The following SYNE2 variants were observed in gnomAD, a reference collection of about 807,000 sequenced individuals.
SYNE2 encodes the protein spectrin repeat containing nuclear envelope protein 2.
In SYNE2, 431 loss-of-function variants were observed where a neutral mutation model predicts 856.3. The ratio of observed to expected loss-of-function variants is 0.50; its 90% CI spans 0.47 to 0.55. The LOEUF is 0.55. Ranked by LOEUF, SYNE2 falls within the 20% of genes least tolerant of loss-of-function variation. The pLI, the probability that SYNE2 is intolerant of heterozygous loss-of-function variation, is 0.00. For synonymous variants in SYNE2, 2,923 were observed against 2,872.3 expected, an observed-to-expected ratio of 1.02 and a Z score of -0.56; for missense variants, 8,129 against 8,023.2, an observed-to-expected ratio of 1.01 and a Z score of -0.50.
Position 63,995,050 on chromosome 14 carries a change from C to T in SYNE2, c.2788C>T (p.His930Tyr). ...RDVCAKWESL[H>Y]HELSLYVQQL... is the part of the protein sequence containing the mutation. ...CCTTTGATTTTTTTTGTAGTCTCTT[C>T]ATCATGAACTGTCTTTATATGTTCA... The change falls in exon 23 of 116, where the codon CAT (histidine) becomes TAT (tyrosine). Residue 930 changes from histidine (H) to tyrosine (Y), a missense_variant. Physicochemically the swap from His to Tyr is moderately conservative, Grantham distance 83. Around this residue, in one of 3 missense-constraint regions of SYNE2, gnomAD observed 2,422 missense variants for 2,357.4 expected, o/e 1.03. Coordinates refer to ENST00000555002, the MANE Select transcript of SYNE2 (RefSeq NM_182914.3). The T allele has an allele frequency of 6.5e-7, 1 of 1,532,934 alleles. No homozygotes were observed. Among genetic ancestry groups the T allele is most frequent in the East Asian group, 2.3e-5 (1 of 43,626 alleles). 95.0% of individuals were successfully genotyped at this position (1,532,934 alleles called of 1,614,324 possible).
intron 49 of SYNE2, among the ~76,000 whole-genome samples, chr14:64,061,529 T>C (rs917262130): frequency 1.6e-4 from 24 of 152,346 alleles, no homozygotes; most frequent in African/African-American, 5.5e-4. Flanking sequence ...ACATTTGATA[T>C]TGTGAGACTC....
chr14:63,908,265 G>A (rs2095432191), intron 1 of SYNE2, among the ~76,000 whole-genome samples: 1 of 151,996 alleles, frequency 6.6e-6, no homozygotes, highest in Non-Finnish European at 1.5e-5. Context: ...TTAATATTTT[G>A]CAATGCTTGC....
At chr14:63,846,043 CT>C (rs556866404) in intron 1 of SYNE2, among the ~76,000 whole-genome samples, 58,481 of 132,332 alleles carry the variant, frequency 0.44, 13,202 homozygotes, top group Non-Finnish European at 0.51. Context: ...CGTACCTGCC[CT>C]TTTTTTTTTT....
intron 64 of SYNE2, among the ~76,000 whole-genome samples, chr14:64,107,144 C>A (rs1595566659): frequency 6.6e-6 from 1 of 152,268 alleles, no homozygotes; most frequent in East Asian, 1.9e-4. Context: ...TGTGAGACAT[C>A]ACACCTGGCC....
chr14:64,104,742 C>T (rs2097760359), intron 64 of SYNE2, among the ~76,000 whole-genome samples: 1 of 152,118 alleles, frequency 6.6e-6, no homozygotes, highest in Non-Finnish European at 1.5e-5. Flanking sequence ...TGAGCCACTG[C>T]GCCCGGCCTC....
chr14:63,898,346 G>A (rs2095287251), intron 1 of SYNE2, among the ~76,000 whole-genome samples: 1 of 152,012 alleles, frequency 6.6e-6, no homozygotes, highest in Admixed American at 6.6e-5. Context: ...CTCACTTTTA[G>A]TTTAGTGTTC....
chr14:64,141,814 T>A, intron 81 of SYNE2, 128 bp from the exon 82 acceptor site: 1 of 1,279,302 alleles, frequency 7.8e-7, no homozygotes, highest in South Asian at 1.4e-5. Flanking sequence ...CTGGGTTTGT[T>A]TTTTTTTTGA....
At chr14:64,177,562 C>G in intron 96 of SYNE2, 79 bp downstream of exon 96, 1 of 1,576,608 alleles carries the variant, frequency 6.3e-7, no homozygotes, top group South Asian at 1.1e-5. Flanking sequence ...TTGCCTCTTT[C>G]TGTATTGAAA....
At position 64,026,561 on chromosome 14, in the gene SYNE2, C is replaced by A; in HGVS notation, c.6253-18C>A. 1.3e-6 allele frequency: 2 copies of A among 1,597,304 alleles called. No homozygotes were observed. Among genetic ancestry groups the A allele is most frequent in the Non-Finnish European group, 1.7e-6 (2 of 1,166,696 alleles). On this transcript the variant is annotated intron_variant, in intron 41 of 115. Transcript: ENST00000555002. ...AGTAATGCAAATGACATTATAAAAT[C>A]TCTTTTATTTAATTCAGGAAATCAT...
At chr14:63,813,642 G>T (rs999560228) in intron 1 of SYNE2, among the ~76,000 whole-genome samples, 4 of 151,714 alleles carry the variant, frequency 2.6e-5, no homozygotes, top group Admixed American at 6.6e-5. Context: ...AAAAAAATTA[G>T]ACTGGGTGTG....
At chr14:63,968,387 T>C (rs1242892149) in intron 11 of SYNE2, among the ~76,000 whole-genome samples, 2 of 152,220 alleles carry the variant, frequency 1.3e-5, no homozygotes, top group Admixed American at 6.5e-5. Flanking sequence ...AAGCTTGATA[T>C]ATTTGCTATC....
intron 79 of SYNE2, 68 bp from the exon 80 acceptor site, chr14:64,139,873 G>A (rs1595787071): frequency 6.5e-7 from 1 of 1,532,814 alleles, no homozygotes; most frequent in Admixed American, 1.7e-5. Flanking sequence ...AAGAAAATTT[G>A]CTGGTGATGC....
chr14:64,206,118 G>A (rs976823809), intron 100 of SYNE2, among the ~76,000 whole-genome samples: 1 of 152,112 alleles, frequency 6.6e-6, no homozygotes, highest in African/African-American at 2.4e-5. Flanking sequence ...TCTTCTGGCT[G>A]CATTCTCTTC....
intron 2 of SYNE2, among the ~76,000 whole-genome samples, chr14:63,923,972 G>GT (rs776471844): frequency 1.5e-3 from 211 of 141,170 alleles, no homozygotes; most frequent in African/African-American, 3.8e-3. Context: ...TTAATTTTTT[G>GT]TTTTTTTTTA....
Position 63,967,761 on chromosome 14 carries a change from A to T in SYNE2, c.1043A>T (p.Asp348Val). Residue 348 changes from aspartate (D) to valine (V), a missense_variant, in exon 11 of 116, where the codon GAT (aspartate) becomes GTT (valine). Physicochemically the swap from Asp to Val is radical, Grantham distance 152 (BLOSUM62 -3). This residue lies in a region of SYNE2 where 2,422 missense variants were observed against 2,357.4 expected (regional missense o/e 1.03). Coordinates refer to ENST00000555002, the MANE Select transcript of SYNE2 (RefSeq NM_182914.3). ...AATGAAGAAAAAAAGTCCTTTTTGGATGTCCTGTCAATAAAACGGGATCTG... is the reference window on the plus strand; with the variant it reads ...AATGAAGAAAAAAAGTCCTTTTTGGTTGTCCTGTCAATAAAACGGGATCTG... ...SFNEEKKSFL[D>V]VLSIKRDLDE... 1 of 1,614,030 alleles carries T rather than the reference A, an allele frequency of 6.2e-7. No individual in the cohort carries two copies. The highest frequency in any genetic ancestry group is 8.5e-7 in the Non-Finnish European group (1 of 1,179,878).
chr14:64,051,688 A>G lies in SYNE2; in HGVS notation c.7775A>G (p.Asp2592Gly), dbSNP rs780754760. The stretch of plus-strand genomic sequence containing the variant: ...TTATCAAACCACGTGACTGACATGG[A>G]TAAGAAATTGTTGGAAAGCCAGATT... The part of the protein sequence containing the change: ...ENLSNHVTDM[D>G]KKLLESQIKQ... The change falls in exon 48 of 116, where the codon GAT becomes GGT. Residue 2592 changes from aspartate to glycine, a missense_variant. By Grantham distance (94) the Asp-to-Gly change is moderately conservative. This residue lies in a region of SYNE2 where 5,410 missense variants were observed against 5,284.8 expected (regional missense o/e 1.02). Transcript: ENST00000555002. 1.2e-6 allele frequency: 2 copies of G among 1,614,096 alleles called. No homozygotes were observed. The highest frequency in any genetic ancestry group is 1.7e-6 in the Non-Finnish European group (2 of 1,180,032).
At chr14:64,101,862 G>A (rs541001621) in intron 63 of SYNE2, 70 bp from the exon 64 acceptor site, 1 of 1,154,722 alleles carries the variant, frequency 8.7e-7, no homozygotes, top group African/African-American at 1.5e-5. Context: ...AAAGACGTGA[G>A]TGAGTAGGGC....
intron 45 of SYNE2, among the ~76,000 whole-genome samples, chr14:64,038,456 C>A (rs1302322109): frequency 6.6e-6 from 1 of 151,834 alleles, no homozygotes; most frequent in Non-Finnish European, 1.5e-5. Flanking sequence ...TTGGCAGAGG[C>A]TGCAATCTTG....
chr14:64,139,884 A>G, intron 79 of SYNE2, 57 bp from the exon 80 acceptor site: 6 of 1,593,190 alleles, frequency 3.8e-6, no homozygotes, highest in South Asian at 1.1e-5. Flanking sequence ...CTGGTGATGC[A>G]TATCATTATC....
Sources: allele counts gnomAD v4.1 joint callset (sites outside exome capture counted in the v4.1 genomes callset), GRCh38; gene constraint gnomAD v4.1.1; regional missense constraint gnomAD v4.1.1; transcripts MANE v1.5; gene names NCBI Gene and HGNC (gene_info 2026-07-23, HGNC 2026-07-21).